KIF16B: variants seen among roughly 807,000 people sequenced by gnomAD.
KIF16B encodes the protein kinesin family member 16B, also known as kinesin-like protein KIF16B.
A neutral mutation model predicts 156.3 loss-of-function variants in KIF16B; 98 were observed. The ratio of observed to expected loss-of-function variants is 0.63; its 90% CI spans 0.53 to 0.74. The LOEUF is 0.74. Among genes scored for constraint, KIF16B ranks in the 30% least tolerant of loss-of-function variants. The pLI, the probability that KIF16B is intolerant of heterozygous loss-of-function variation, is 0.00. For synonymous variants in KIF16B, 564 were observed against 583.7 expected, an observed-to-expected ratio of 0.97 and a Z score of 0.49; for missense variants, 1,421 against 1,606.5, an observed-to-expected ratio of 0.88 and a Z score of 1.97.
intron 23 of KIF16B, among the ~76,000 whole-genome samples, chr20:16,352,918 G>T (rs2064366306): frequency 6.6e-6 from 1 of 152,200 alleles, no homozygotes; most frequent in Non-Finnish European, 1.5e-5. Context: ...GCAAACAGGG[G>T]TCTTATACCA....
At chr20:16,500,579 GT>G (rs776998168) in intron 10 of KIF16B, among the ~76,000 whole-genome samples, 3 of 152,142 alleles carry the variant, frequency 2.0e-5, no homozygotes, top group African/African-American at 4.8e-5. Context: ...CAGTTTTGTT[GT>G]TTTTTTCAAT....
chr20:16,445,622 C>T (rs1275095094), intron 12 of KIF16B, among the ~76,000 whole-genome samples: 1 of 151,872 alleles, frequency 6.6e-6, no homozygotes, highest in African/African-American at 2.4e-5. Flanking sequence ...CTTAAATGTC[C>T]GAATCAGGTT....
intron 1 of KIF16B, among the ~76,000 whole-genome samples, chr20:16,562,967 G>A (rs1163019927): frequency 6.6e-6 from 1 of 152,120 alleles, no homozygotes; most frequent in Non-Finnish European, 1.5e-5. Context: ...GTGAATGAGT[G>A]GCCAGAAATA....
chr20:16,456,834 AC>A (rs35333092), intron 12 of KIF16B, among the ~76,000 whole-genome samples: 6,021 of 152,164 alleles, frequency 0.04, 168 homozygotes, highest in African/African-American at 0.065. Flanking sequence ...ATGTTTAGTG[AC>A]CTATGAATGC....
chr20:16,419,894 A>C (rs551382687), intron 15 of KIF16B, among the ~76,000 whole-genome samples: 49 of 152,296 alleles, frequency 3.2e-4, no homozygotes, highest in Non-Finnish European at 6.2e-4. Flanking sequence ...CTAAGGTCTA[A>C]GCCACTACCA....
intron 17 of KIF16B, among the ~76,000 whole-genome samples, chr20:16,395,986 A>G (rs4813217): frequency 0.23 from 34,954 of 152,108 alleles, 4,095 homozygotes; most frequent in African/African-American, 0.27. Flanking sequence ...GCAATTCTAC[A>G]GCTACTTCCT....
At chr20:16,295,290 T>C (rs963601578) in intron 25 of KIF16B, among the ~76,000 whole-genome samples, 46 of 152,300 alleles carry the variant, frequency 3.0e-4, no homozygotes, top group African/African-American at 1.1e-3. Flanking sequence ...AGCTCTGGGC[T>C]ATGCTGCAAT....
chr20:16,406,506 G>T, intron 15 of KIF16B, 50 bp from the exon 16 acceptor site: 1 of 1,440,660 alleles, frequency 6.9e-7, no homozygotes. Context: ...AGTCTGGTCA[G>T]TTGCCAATAC....
chr20:16,315,441 C>G (rs529363395), intron 24 of KIF16B, among the ~76,000 whole-genome samples: 1 of 152,082 alleles, frequency 6.6e-6, no homozygotes, highest in African/African-American at 2.4e-5. Flanking sequence ...CCAGGCCTCT[C>G]GGGATAAAGC....
intron 23 of KIF16B, among the ~76,000 whole-genome samples, chr20:16,353,005 A>G (rs1208696129): frequency 6.6e-6 from 1 of 152,232 alleles, no homozygotes; most frequent in African/African-American, 2.4e-5. Flanking sequence ...ATCATGCGGG[A>G]TAACGAAAAA....
chr20:16,361,432 A>T (rs1487376021), intron 22 of KIF16B, among the ~76,000 whole-genome samples: 1 of 152,194 alleles, frequency 6.6e-6, no homozygotes, highest in Non-Finnish European at 1.5e-5. Context: ...TTTCCAGTAG[A>T]GAAGCCTGCC....
chr20:16,485,927 T>C (rs1369365639), intron 12 of KIF16B, among the ~76,000 whole-genome samples: 1 of 152,020 alleles, frequency 6.6e-6, no homozygotes, highest in Admixed American at 6.6e-5. Context: ...ATAAATTCAC[T>C]TAGCATAAGT....
chr20:16,326,828 G>A (rs193124556), intron 24 of KIF16B, among the ~76,000 whole-genome samples: 4 of 151,668 alleles, frequency 2.6e-5, no homozygotes, highest in East Asian at 1.9e-4. Context: ...ACTGGGTATC[G>A]ACCCAGAGGA....
At chr20:16,336,349 C>T (rs2064036844) in intron 23 of KIF16B, among the ~76,000 whole-genome samples, 1 of 152,032 alleles carries the variant, frequency 6.6e-6, no homozygotes, top group Non-Finnish European at 1.5e-5. Flanking sequence ...AATCTCACTG[C>T]CTCTCAGTCA....
At chr20:16,376,779 T>C (rs1294165835) in intron 19 of KIF16B, among the ~76,000 whole-genome samples, 1 of 152,334 alleles carries the variant, frequency 6.6e-6, no homozygotes, top group East Asian at 1.9e-4. Flanking sequence ...TAAAAGCTCA[T>C]GCTGCATTCT....
At chr20:16,427,470 A>G (rs1300212025) in intron 14 of KIF16B, among the ~76,000 whole-genome samples, 1 of 152,138 alleles carries the variant, frequency 6.6e-6, no homozygotes, top group Non-Finnish European at 1.5e-5. Context: ...GGATCTGGAC[A>G]TTACCTGTGT....
intron 10 of KIF16B, among the ~76,000 whole-genome samples, chr20:16,498,538 T>C (rs2068520722): frequency 6.6e-6 from 1 of 152,188 alleles, no homozygotes; most frequent in Non-Finnish European, 1.5e-5. Flanking sequence ...TTCTGGACAT[T>C]GCCTTTTTAA....
intron 14 of KIF16B, among the ~76,000 whole-genome samples, chr20:16,428,128 T>C (rs1347014069): frequency 2.6e-5 from 4 of 152,296 alleles, no homozygotes; most frequent in East Asian, 1.9e-4. Context: ...TGGGGACTTC[T>C]AGAAAATGGT....
At chr20:16,421,881 C>A (rs2066234595) in intron 15 of KIF16B, among the ~76,000 whole-genome samples, 1 of 152,094 alleles carries the variant, frequency 6.6e-6, no homozygotes, top group African/African-American at 2.4e-5. Flanking sequence ...AAGATCATGG[C>A]ACCATGCTAA....
Sources: allele counts gnomAD v4.1 joint callset (sites outside exome capture counted in the v4.1 genomes callset), GRCh38; gene constraint gnomAD v4.1.1; transcripts MANE v1.5; gene names NCBI Gene and HGNC (gene_info 2026-07-23, HGNC 2026-07-21).